DCDC2: variants seen among roughly 807,000 people sequenced by gnomAD.
DCDC2 encodes the protein doublecortin domain containing 2.
DCDC2 carries 40 observed loss-of-function variants against 50.2 expected under a neutral mutation model. That is an observed-to-expected ratio of 0.80 (90% CI 0.62 to 1.04). The LOEUF (loss-of-function observed/expected upper bound fraction) is 1.04. Ranked by LOEUF, DCDC2 falls within the 50% of genes least tolerant of loss-of-function variation. The pLI is 0.00. For missense variants in DCDC2, 570 were observed against 581.9 expected (o/e 0.98, Z 0.21); for synonymous variants, 234 against 210.6 (o/e 1.11, Z -0.96).
At chr6:24,186,513 T>C (rs901533480) in intron 8 of DCDC2, among the ~76,000 whole-genome samples, 5 of 152,092 alleles carry the variant, frequency 3.3e-5, no homozygotes, top group East Asian at 1.9e-4. Context: ...ACACTTCTTA[T>C]TGAAGAACAG....
the DCDC2 span, among the ~76,000 whole-genome samples, chr6:24,370,844 CAT>C: frequency 2.0e-5 from 3 of 152,164 alleles, no homozygotes; most frequent in South Asian, 6.2e-4. Flanking sequence ...AGAAACAACT[CAT>C]GTGTCCATCA....
chr6:24,354,749 G>T (rs577886177), intron 1 of DCDC2, among the ~76,000 whole-genome samples: 1 of 152,178 alleles, frequency 6.6e-6, no homozygotes, highest in Admixed American at 6.5e-5. Flanking sequence ...GGAAAGTTTT[G>T]GGGGAAATAC....
chr6:24,281,344 C>CTTT (rs577049117), intron 6 of DCDC2, among the ~76,000 whole-genome samples: 1 of 141,818 alleles, frequency 7.1e-6, no homozygotes, highest in Admixed American at 7.2e-5. Flanking sequence ...AATTGAAATG[C>CTTT]TTTTTTTTTT....
rs201736167 is a variant in DCDC2 at position 24,288,829 on chromosome 6, C to T, written c.759+23G>A. Reference sequence around the variant, plus strand: ...ATCATATAAAAATATAGAACATCAACGAGGAAAGCATCTGATACTTACACT... The same window carrying T: ...ATCATATAAAAATATAGAACATCAATGAGGAAAGCATCTGATACTTACACT... On this transcript the variant is annotated intron_variant, in intron 6 of 9. Transcript: ENST00000378454. 3.4e-5 allele frequency: 55 copies of T among 1,597,332 alleles called. 1 individual carries two copies. The highest frequency in any genetic ancestry group is 3.3e-4 in the Middle Eastern group (2 of 6,018).
intron 8 of DCDC2, among the ~76,000 whole-genome samples, chr6:24,182,511 C>T (rs538971399): frequency 6.7e-6 from 1 of 149,228 alleles, no homozygotes; most frequent in East Asian, 2.0e-4. Flanking sequence ...GACATTTCTG[C>T]AAAGAAGATA....
At chr6:24,324,255 T>G (rs184207535) in intron 2 of DCDC2, among the ~76,000 whole-genome samples, 74 of 152,274 alleles carry the variant, frequency 4.9e-4, no homozygotes, top group Non-Finnish European at 9.6e-4. Context: ...AGTAACAGTT[T>G]AAAACTGTCA....
chr6:24,305,549 TAAACCAAATCAACTG>T (rs1348779259), intron 2 of DCDC2, among the ~76,000 whole-genome samples: 1 of 152,094 alleles, frequency 6.6e-6, no homozygotes, highest in Non-Finnish European at 1.5e-5. Context: ...ACAAAAAAAT[TAAACCAAATCAACTG>T]GGTATAAGAG....
intron 7 of DCDC2, among the ~76,000 whole-genome samples, chr6:24,221,674 C>T (rs559775095): frequency 3.2e-4 from 49 of 152,336 alleles, no homozygotes; most frequent in African/African-American, 1.0e-3. Flanking sequence ...ATGTCTACTA[C>T]GTGCTAAGTC....
At chr6:24,215,279 G>T (rs769764292) in intron 7 of DCDC2, among the ~76,000 whole-genome samples, 50 of 152,320 alleles carry the variant, frequency 3.3e-4, no homozygotes, top group African/African-American at 1.2e-3. Context: ...AGAACTGCAG[G>T]CAGATCCGTG....
At chr6:24,380,015 G>C in the DCDC2 span, among the ~76,000 whole-genome samples, 3 of 122,512 alleles carry the variant, frequency 2.4e-5, no homozygotes, top group Non-Finnish European at 4.8e-5. Flanking sequence ...ACAGGGAAGG[G>C]ACCATCACAC....
intron 7 of DCDC2, among the ~76,000 whole-genome samples, chr6:24,223,737 TA>T (rs1413556962): frequency 6.6e-6 from 1 of 152,252 alleles, no homozygotes; most frequent in Non-Finnish European, 1.5e-5. Flanking sequence ...CCAGTCTTTA[TA>T]AATTACCATG....
At chr6:24,365,352 C>T in the DCDC2 span, among the ~76,000 whole-genome samples, 7 of 152,254 alleles carry the variant, frequency 4.6e-5, no homozygotes, top group Non-Finnish European at 8.8e-5. Flanking sequence ...AGTGCAACGG[C>T]ATGATCTCGG....
chr6:24,184,088 C>G (rs1203707604), intron 8 of DCDC2, among the ~76,000 whole-genome samples: 1 of 152,220 alleles, frequency 6.6e-6, no homozygotes, highest in African/African-American at 2.4e-5. Context: ...CATCACACTT[C>G]CCACATCACA....
chr6:24,173,686 T>G lies in DCDC2; in HGVS notation c.*1044A>C, dbSNP rs756662573. The G allele has an allele frequency of 1.4e-4, 21 of 152,190 alleles. No individual in the cohort carries two copies. Among genetic ancestry groups the G allele is most frequent in the Non-Finnish European group, 2.4e-4 (16 of 68,032 alleles). The allele number at this position is 152,190 out of a possible 1,614,324, so 9.4% of individuals were successfully genotyped here. A position where few individuals can be genotyped will look rare whatever the true frequency, so the allele number is the denominator to read the frequency against. On this transcript the variant is annotated 3_prime_UTR_variant, in exon 10 of 10. Transcript: ENST00000378454. ...CCTTCTAATTACAAAGAAATCTGCT[T>G]GAAATTCTAACTATATCATGCTAGG...
intron 7 of DCDC2, among the ~76,000 whole-genome samples, chr6:24,236,344 T>G (rs962517802): frequency 6.6e-6 from 1 of 152,200 alleles, no homozygotes; most frequent in Non-Finnish European, 1.5e-5. Context: ...GAACTCCCTA[T>G]TCGACACATG....
rs148098361 is a variant in DCDC2, at chr6:24,182,832, T to C, written c.1024-4200A>G. Among the ~76,000 whole-genome samples, 193 of 152,132 alleles carry C rather than the reference T, an allele frequency of 1.3e-3. 1 individual carries two copies. Among genetic ancestry groups the C allele is most frequent in the Non-Finnish European group, 2.3e-3 (158 of 67,942 alleles). On this transcript the variant is annotated intron_variant, in intron 8 of 9. Coordinates refer to ENST00000378454, the MANE Select transcript of DCDC2 (RefSeq NM_016356.5). The stretch of plus-strand genomic sequence containing the variant: ...ACCCAAAAGAACTGAAAGCAAGGAC[T>C]TGAAGAGATATTTGTACACCCAAGT...
chr6:24,265,806 T>TA (rs879470177), intron 7 of DCDC2, among the ~76,000 whole-genome samples: 207 of 134,462 alleles, frequency 1.5e-3, no homozygotes, highest in Non-Finnish European at 2.0e-3. Context: ...ATCAAAAAAG[T>TA]AAAAAAAAAA....
At chr6:24,181,611 A>C (rs1761073901) in intron 8 of DCDC2, among the ~76,000 whole-genome samples, 1 of 152,236 alleles carries the variant, frequency 6.6e-6, no homozygotes, top group Non-Finnish European at 1.5e-5. Context: ...TAAAACACTT[A>C]GGAGTTAGCC....
intron 2 of DCDC2, among the ~76,000 whole-genome samples, chr6:24,348,797 T>G (rs1760312273): frequency 6.6e-6 from 1 of 152,194 alleles, no homozygotes; most frequent in African/African-American, 2.4e-5. Context: ...CACAGCCACC[T>G]GCCACTAGAT....
Sources: gnomAD v4.1 joint callset for allele counts (sites outside exome capture counted in the v4.1 genomes callset) on GRCh38, gnomAD v4.1.1 for gene constraint, MANE v1.5 for transcripts, NCBI Gene and HGNC (gene_info 2026-07-23, HGNC 2026-07-21) for gene names.